The following FAM131C variants were observed in gnomAD, a reference collection of about 807,000 sequenced individuals.
FAM131C encodes the protein protein FAM131C.
A neutral mutation model predicts 29.8 loss-of-function variants in FAM131C; 14 were observed. The observed-to-expected ratio is 0.47, with a 90% CI of 0.31 to 0.73. FAM131C has a LOEUF of 0.73. FAM131C is among the 30% of genes least tolerant of loss of function. The pLI is 0.05. For synonymous variants in FAM131C, 86 were observed against 157.8 expected, an observed-to-expected ratio of 0.54 and a Z score of 3.41; for missense variants, 252 against 383.8, an observed-to-expected ratio of 0.66 and a Z score of 2.87.
In FAM131C at chr1:16,073,472, C is replaced by G; in HGVS notation, c.-30G>C. Reference sequence around the variant, plus strand: ...GGGCCGCGGGGCCGGGCCGCTGCGCCCGGGGTGCGTGGGGCCGCGGGGCGT... The same window carrying G: ...GGGCCGCGGGGCCGGGCCGCTGCGCGCGGGGTGCGTGGGGCCGCGGGGCGT... On this transcript the variant is annotated 5_prime_UTR_variant, in exon 1 of 7. Transcript: ENST00000375662. 8.4e-7 allele frequency: 1 copy of G among 1,195,898 alleles called. No individual in the cohort carries two copies. The highest frequency in any genetic ancestry group is 1.0e-6 in the Non-Finnish European group (1 of 963,640). The allele number at this position is 1,195,898 out of a possible 1,614,324, so 74.1% of individuals were successfully genotyped here.
intron 1 of FAM131C, among the ~76,000 whole-genome samples, chr1:16,067,266 C>A (rs1457666891): frequency 6.6e-6 from 1 of 152,198 alleles, no homozygotes; most frequent in Non-Finnish European, 1.5e-5. Context: ...GGTAATGAAC[C>A]AGCCCAGGGT....
chr1:16,070,127 C>G (rs1241149998), intron 1 of FAM131C, among the ~76,000 whole-genome samples: 1 of 152,124 alleles, frequency 6.6e-6, no homozygotes, highest in Non-Finnish European at 1.5e-5. Context: ...GTCACATTGA[C>G]CTGGATTCAA....
At chr1:16,059,473 C>T (rs541719184) in intron 6 of FAM131C, 21 bp downstream of exon 6, 14 of 1,610,780 alleles carry the variant, frequency 8.7e-6, no homozygotes, top group East Asian at 6.7e-5. Context: ...ACCCCCGCCC[C>T]CTGGACCCTC....
At chr1:16,065,423 G>A (rs577285749) in intron 1 of FAM131C, among the ~76,000 whole-genome samples, 1 of 152,202 alleles carries the variant, frequency 6.6e-6, no homozygotes, top group Non-Finnish European at 1.5e-5. Flanking sequence ...CTCTCTGCCC[G>A]CCAGCGGAGG....
intron 6 of FAM131C, among the ~76,000 whole-genome samples, chr1:16,059,247 C>G (rs532563857): frequency 1.4e-5 from 2 of 145,956 alleles, no homozygotes; most frequent in African/African-American, 5.0e-5. Context: ...TGAGGTGCCT[C>G]GTGCACAGCC....
At position 16,058,154 on chromosome 1, in the gene FAM131C, A is replaced by C; in HGVS notation, c.*283T>G. On this transcript the variant is annotated 3_prime_UTR_variant, in exon 7 of 7. Coordinates refer to ENST00000375662, the MANE Select transcript of FAM131C (RefSeq NM_182623.3). Reference sequence around the variant, plus strand: ...GGGCCAGGCTGCCCTGGTGTCTCTGAGAGTCCGTGAGTTCCCTGAGGGCAG... The same window carrying C: ...GGGCCAGGCTGCCCTGGTGTCTCTGCGAGTCCGTGAGTTCCCTGAGGGCAG... The C allele has an allele frequency of 4.4e-6, 1 of 224,800 alleles. No individual in the cohort carries two copies. The highest frequency in any genetic ancestry group is 8.8e-6 in the Non-Finnish European group (1 of 113,054). The allele number at this position is 224,800 out of a possible 1,614,324, so 13.9% of individuals were successfully genotyped here.
At chr1:16,069,801 G>C (rs913097960) in intron 1 of FAM131C, among the ~76,000 whole-genome samples, 3 of 152,124 alleles carry the variant, frequency 2.0e-5, no homozygotes, top group Non-Finnish European at 4.4e-5. Flanking sequence ...GGTCTTTGTT[G>C]CCCAGGCTAG....
Position 16,062,110 on chromosome 1 carries a change from G to A in FAM131C, c.257C>T (p.Ser86Leu), listed in dbSNP as rs201199741. The change falls in exon 4 of 7, where the codon TCG becomes TTG. Residue 86 changes from serine to leucine, a missense_variant. Around this residue, in one of 6 missense-constraint regions of FAM131C, gnomAD observed 52 missense variants for 105.9 expected, o/e 0.49. Coordinates refer to ENST00000375662, the MANE Select transcript of FAM131C (RefSeq NM_182623.3). ...GNYNVAALAT[S>L]SLVGVVQSIK... is the part of the protein sequence containing the mutation. ...CGGCCAGAACCTACCCACAAGGGAC[G>A]AGGTGGCCAGGGCTGCCACGTTGTA... is the stretch of plus-strand genomic sequence containing the variant. 1,480 of 1,611,528 alleles carry A rather than the reference G, an allele frequency of 9.2e-4. No individual in the cohort carries two copies. Among genetic ancestry groups the A allele is most frequent in the Non-Finnish European group, 1.6e-4 (187 of 1,179,490 alleles).
At chr1:16,059,835 C>T (rs1381358818) in intron 5 of FAM131C, 34 bp downstream of exon 5, 2 of 1,601,338 alleles carry the variant, frequency 1.2e-6, no homozygotes, top group Non-Finnish European at 1.7e-6. Flanking sequence ...GCTTCACCCC[C>T]ACAGAGCCCT....
In FAM131C at chr1:16,073,460, G is replaced by A. The variant is rs1396182759; in HGVS notation, c.-18C>T. ...GAGCCCATCACGGGGCCGCGGGGCC[G>A]GGCCGCTGCGCCCGGGGTGCGTGGG... On this transcript the variant is annotated 5_prime_UTR_variant, in exon 1 of 7. Coordinates refer to ENST00000375662, the MANE Select transcript of FAM131C (RefSeq NM_182623.3). 7.5e-6 allele frequency: 9 copies of A among 1,201,438 alleles called. No homozygotes were observed. The highest frequency in any genetic ancestry group is 9.3e-6 in the Non-Finnish European group (9 of 967,710). The allele number at this position is 1,201,438 out of a possible 1,614,324, so 74.4% of individuals were successfully genotyped here.
chr1:16,060,857 T>G (rs1570353064), intron 4 of FAM131C, among the ~76,000 whole-genome samples: 2 of 152,138 alleles, frequency 1.3e-5, no homozygotes, highest in East Asian at 3.9e-4. Context: ...GAGTGACCAG[T>G]TAGAACAGCT....
At chr1:16,064,431 C>T (rs946639597) in intron 1 of FAM131C, among the ~76,000 whole-genome samples, 1 of 152,158 alleles carries the variant, frequency 6.6e-6, no homozygotes, top group African/African-American at 2.4e-5. Flanking sequence ...CCTTCTGGCC[C>T]ATCCACCCAG....
Position 16,058,773 on chromosome 1 carries a change from T to A in FAM131C, c.563-56A>T, listed in dbSNP as rs1367443874. On this transcript the variant is annotated intron_variant, in intron 6 of 6. Coordinates refer to ENST00000375662, the MANE Select transcript of FAM131C (RefSeq NM_182623.3). The stretch of plus-strand genomic sequence containing the variant: ...GCGTCCCAGATCCAGCTCCTCGCCC[T>A]CTCTGGGGGTGTGAGAAAGGGCAAG... The A allele has an allele frequency of 4.3e-5, 62 of 1,428,272 alleles. 4 individuals are homozygous for A. The highest frequency in any genetic ancestry group is 3.9e-5 in the Non-Finnish European group (41 of 1,063,124). The allele number at this position is 1,428,272 out of a possible 1,614,324, so 88.5% of individuals were successfully genotyped here. A position where few individuals can be genotyped will look rare whatever the true frequency, so the allele number is the denominator to read the frequency against.
chr1:16,071,580 T>A (rs559723870), intron 1 of FAM131C, among the ~76,000 whole-genome samples: 1 of 152,086 alleles, frequency 6.6e-6, no homozygotes, highest in Non-Finnish European at 1.5e-5. Flanking sequence ...TCAACCCAAC[T>A]TTCCTGGATG....
intron 1 of FAM131C, among the ~76,000 whole-genome samples, chr1:16,069,220 C>T (rs945675338): frequency 5.9e-5 from 9 of 152,140 alleles, no homozygotes; most frequent in Admixed American, 4.6e-4. Context: ...ACAGGGTCCT[C>T]GGGGCATCCT....
chr1:16,071,232 G>C (rs1043163626), intron 1 of FAM131C, among the ~76,000 whole-genome samples: 1 of 146,942 alleles, frequency 6.8e-6, no homozygotes, highest in African/African-American at 2.7e-5. Flanking sequence ...GACAGGTGCA[G>C]GCACCAGGGC....
chr1:16,067,521 A>G (rs796963886), intron 1 of FAM131C, among the ~76,000 whole-genome samples: 13 of 151,746 alleles, frequency 8.6e-5, no homozygotes, highest in African/African-American at 3.1e-4. Flanking sequence ...TCCTCTGTCC[A>G]CAAGAGTGAC....
At chr1:16,064,052 C>G (rs1282240093) in intron 1 of FAM131C, among the ~76,000 whole-genome samples, 1 of 152,170 alleles carries the variant, frequency 6.6e-6, no homozygotes, top group Non-Finnish European at 1.5e-5. Flanking sequence ...TCTGACCCTC[C>G]TGCCCTGTGC....
intron 4 of FAM131C, among the ~76,000 whole-genome samples, chr1:16,061,834 T>C (rs34263238): frequency 0.051 from 7,507 of 148,408 alleles, 562 homozygotes; most frequent in African/African-American, 0.17. Flanking sequence ...AGGGAGACCA[T>C]GCCAGACAGA....
Sources: gnomAD v4.1 joint callset for allele counts (sites outside exome capture counted in the v4.1 genomes callset) on GRCh38, gnomAD v4.1.1 for gene constraint, gnomAD v4.1.1 regional missense constraint, MANE v1.5 for transcripts, NCBI Gene and HGNC (gene_info 2026-07-23, HGNC 2026-07-21) for gene names.